Variants in HNRNPM observed in about 807,000 individuals in gnomAD.
HNRNPM encodes heterogeneous nuclear ribonucleoprotein M, also known as CEA receptor.
HNRNPM carries 11 observed loss-of-function variants against 73.1 expected under a neutral mutation model. That is an observed-to-expected ratio of 0.15 (90% CI 0.09 to 0.25). The LOEUF is 0.25. HNRNPM is among the 10% of genes least tolerant of loss of function. The pLI is 1.00. For missense variants in HNRNPM, 789 were observed against 1,067.9 expected, an observed-to-expected ratio of 0.74 and a Z score of 3.64; for synonymous variants, 407 against 355.2, an observed-to-expected ratio of 1.15 and a Z score of -1.64.
intron 1 of HNRNPM, among the ~76,000 whole-genome samples, chr19:8,447,233 G>C (rs1968252497): frequency 6.8e-6 from 1 of 147,868 alleles, no homozygotes; most frequent in Admixed American, 6.9e-5. Context: ...GCAACACTTG[G>C]ATATTTTTGA....
chr19:8,468,214 A>T (rs34445564), intron 8 of HNRNPM, among the ~76,000 whole-genome samples: 33,187 of 152,110 alleles, frequency 0.22, 4,544 homozygotes, highest in East Asian at 0.5. Context: ...AAAGTATTAC[A>T]GTATAATGTT....
rs1250250224 is a variant in HNRNPM, at chr19:8,455,858, G to C, written c.283+284G>C. Among the ~76,000 whole-genome samples, 5 of 151,314 alleles carry C rather than the reference G, an allele frequency of 3.3e-5. No individual in the cohort carries two copies. The East Asian group carries it at 9.7e-4, about 29-fold the overall frequency. Reference sequence around the variant, plus strand: ...TTACTGGCTTAGTATGGTTAATAAGGCTTCGATTAGGCTTCCGGGGAGCCT... The same window carrying C: ...TTACTGGCTTAGTATGGTTAATAAGCCTTCGATTAGGCTTCCGGGGAGCCT... On this transcript the variant is annotated intron_variant, in intron 2 of 15. Coordinates refer to ENST00000325495, the MANE Select transcript of HNRNPM (RefSeq NM_005968.5).
intron 13 of HNRNPM, among the ~76,000 whole-genome samples, chr19:8,483,564 T>C (rs947893889): frequency 1.6e-4 from 25 of 152,232 alleles, no homozygotes; most frequent in South Asian, 4.1e-4. Flanking sequence ...TAAAAGTAAA[T>C]ATATTTTCCT....
chr19:8,458,238 G>A (rs1969158913), intron 2 of HNRNPM, among the ~76,000 whole-genome samples: 1 of 152,234 alleles, frequency 6.6e-6, no homozygotes, highest in African/African-American at 2.4e-5. Context: ...GCATTTAGCA[G>A]CATTCTAGCA....
In HNRNPM at chr19:8,474,259, T is replaced by G; in HGVS notation, c.1120+15T>G. 2 of 1,556,836 alleles carry G rather than the reference T, an allele frequency of 1.3e-6. No homozygotes were observed. The highest frequency in any genetic ancestry group is 4.9e-5 in the East Asian group (2 of 40,920). ...CAGGATAAATGGTAAGCATCGTGTT[T>G]TCTTCCTGCTTTCACTCACCCTTTG... On this transcript the variant is annotated intron_variant, in intron 12 of 15. Transcript: ENST00000325495.
chr19:8,482,914 A>G, intron 12 of HNRNPM: 1 of 477,510 alleles, frequency 2.1e-6, no homozygotes, highest in South Asian at 2.9e-5. Flanking sequence ...GCGCATTCGC[A>G]GGTGACCCCG....
Position 8,445,490 on chromosome 19 carries a change from C to T in HNRNPM, c.113+379C>T, listed in dbSNP as rs1968086801. On this transcript the variant is annotated intron_variant, in intron 1 of 15. Transcript: ENST00000325495. ...CGGGGGCCGGGTTTCAGCCCCCCGT[C>T]CCCTCTCCTCCCGGGGTCTGTTTTC... 4.1e-5 allele frequency: 7 copies of T among 171,938 alleles called. No homozygotes were observed. In the South Asian group the frequency reaches 9.7e-4, roughly 24 times the overall value. The allele number at this position is 171,938 out of a possible 1,614,324, so 10.7% of individuals were successfully genotyped here.
intron 12 of HNRNPM, among the ~76,000 whole-genome samples, chr19:8,477,160 C>G (rs1418409256): frequency 5.9e-5 from 9 of 152,092 alleles, no homozygotes; most frequent in Non-Finnish European, 1.3e-4. Flanking sequence ...TGATTAATAA[C>G]TAGATTCTTC....
chr19:8,467,448 T>C, intron 7 of HNRNPM, 87 bp from the exon 8 acceptor site: 1 of 881,376 alleles, frequency 1.1e-6, no homozygotes, highest in South Asian at 1.4e-5. Context: ...GAGGGACTGG[T>C]AGCAGTTGGA....
intron 14 of HNRNPM, among the ~76,000 whole-genome samples, chr19:8,486,660 G>A (rs893829762): frequency 6.6e-6 from 1 of 152,192 alleles, no homozygotes; most frequent in African/African-American, 2.4e-5. Flanking sequence ...TGATTGGTTG[G>A]CTTGAAGAGG....
intron 1 of HNRNPM, among the ~76,000 whole-genome samples, chr19:8,452,664 A>G (rs1448739185): frequency 6.6e-6 from 1 of 152,104 alleles, no homozygotes; most frequent in African/African-American, 2.4e-5. Flanking sequence ...TGGGAAGGGA[A>G]GCCTGTTGAT....
At chr19:8,478,965 G>A (rs144045254) in intron 12 of HNRNPM, among the ~76,000 whole-genome samples, 1,531 of 152,120 alleles carry the variant, frequency 0.01, 16 homozygotes, top group Non-Finnish European at 0.014. Context: ...CGACTAGAGA[G>A]GTTTTCTAAA....
intron 9 of HNRNPM, among the ~76,000 whole-genome samples, chr19:8,469,585 T>C (rs1193854390): frequency 6.6e-6 from 1 of 152,230 alleles, no homozygotes; most frequent in African/African-American, 2.4e-5. Flanking sequence ...GAAGGCTAGT[T>C]GATGGGCTAC....
At chr19:8,464,942 T>G (rs1969641690) in intron 5 of HNRNPM, among the ~76,000 whole-genome samples, 1 of 152,184 alleles carries the variant, frequency 6.6e-6, no homozygotes, top group African/African-American at 2.4e-5. Flanking sequence ...TTGACGGGGT[T>G]TGCAGAAGTT....
intron 1 of HNRNPM, among the ~76,000 whole-genome samples, chr19:8,449,497 T>C (rs1471714014): frequency 6.6e-6 from 1 of 152,156 alleles, no homozygotes; most frequent in Non-Finnish European, 1.5e-5. Flanking sequence ...AAATTATTGG[T>C]AGAAAAATAC....
At chr19:8,475,316 T>G (rs1201140623) in intron 12 of HNRNPM, among the ~76,000 whole-genome samples, 1 of 152,240 alleles carries the variant, frequency 6.6e-6, no homozygotes, top group Non-Finnish European at 1.5e-5. Flanking sequence ...CATGAGAAAT[T>G]GTAAATTTTC....
chr19:8,466,658 C>T (rs534967514), intron 7 of HNRNPM, among the ~76,000 whole-genome samples: 15 of 151,944 alleles, frequency 9.9e-5, no homozygotes, highest in Admixed American at 2.0e-4. Context: ...AACCCCGGCT[C>T]TACTAAAAAA....
Position 8,445,074 on chromosome 19 carries a change from G to A in HNRNPM, c.76G>A (p.Gly26Ser), listed in dbSNP as rs773444733. The A allele has an allele frequency of 9.8e-6, 14 of 1,421,842 alleles. No homozygotes were observed. In the East Asian group the frequency reaches 3.4e-4, roughly 35 times the overall value. The allele number at this position is 1,421,842 out of a possible 1,614,324, so 88.1% of individuals were successfully genotyped here. ...AATGGAGGAAGAGAGCGGCGCGCCC[G>A]GCGTGCCGAGCGGCAACGGGGCTCC... ...IKMEEESGAP[G>S]VPSGNGAPGP... Residue 26 changes from glycine (G) to serine (S), a missense_variant, in exon 1 of 16, where the codon GGC becomes AGC. Transcript: ENST00000325495.
chr19:8,468,258 A>G (rs184868932), intron 8 of HNRNPM, among the ~76,000 whole-genome samples: 3 of 152,298 alleles, frequency 2.0e-5, no homozygotes, highest in African/African-American at 7.2e-5. Flanking sequence ...AACATAATTA[A>G]GTCATTGATT....
Sources: gnomAD v4.1 joint callset for allele counts (sites outside exome capture counted in the v4.1 genomes callset) on GRCh38, gnomAD v4.1.1 for gene constraint, MANE v1.5 for transcripts, NCBI Gene and HGNC (gene_info 2026-07-23, HGNC 2026-07-21) for gene names.